The following PPP1R16B variants were observed in gnomAD, a reference collection of about 807,000 sequenced individuals.
The protein encoded by PPP1R16B is protein phosphatase 1 regulatory subunit 16B, also known as protein phosphatase 1 regulatory inhibitor subunit 16B.
In PPP1R16B, 14 loss-of-function variants were observed where a neutral mutation model predicts 61.7. The ratio of observed to expected loss-of-function variants is 0.23; its 90% CI spans 0.15 to 0.35. The LOEUF (loss-of-function observed/expected upper bound fraction) is 0.35, where lower values mean the gene tolerates loss of function less well. Ranked by LOEUF, PPP1R16B falls within the 10% of genes least tolerant of loss-of-function variation. The pLI, the probability that PPP1R16B is intolerant of heterozygous loss-of-function variation, is 1.00. For missense variants in PPP1R16B, 547 were observed against 752.5 expected, an observed-to-expected ratio of 0.73 and a Z score of 3.19; for synonymous variants, 266 against 305.3, an observed-to-expected ratio of 0.87 and a Z score of 1.34.
At chr20:38,848,859 T>C (rs1176348834) in intron 2 of PPP1R16B, among the ~76,000 whole-genome samples, 1 of 152,086 alleles carries the variant, frequency 6.6e-6, no homozygotes, top group African/African-American at 2.4e-5. Flanking sequence ...AACTAATGGG[T>C]ACTAGGCTTA....
In PPP1R16B at chr20:38,920,884, C is replaced by G. The variant is rs1171651634; in HGVS notation, c.*2218C>G. The G allele has an allele frequency of 6.6e-6, 1 of 152,228 alleles. No individual in the cohort carries two copies. Among genetic ancestry groups the G allele is most frequent in the Non-Finnish European group, 1.5e-5 (1 of 68,074 alleles). 9.4% of individuals were successfully genotyped at this position (152,228 alleles called of 1,614,324 possible). ...CCATTGGCTGTAAAACAGTATGAGC[C>G]CAGACTGACGCTGAAATCCCTCATG... On this transcript the variant is annotated 3_prime_UTR_variant, in exon 11 of 11. Coordinates refer to ENST00000299824, the MANE Select transcript of PPP1R16B (RefSeq NM_015568.4).
chr20:38,885,831 A>G (rs889073895), intron 2 of PPP1R16B, among the ~76,000 whole-genome samples: 8 of 152,204 alleles, frequency 5.3e-5, no homozygotes, highest in Non-Finnish European at 8.8e-5. Context: ...GCTGGAGTGC[A>G]ATGGTGCAGT....
At chr20:38,838,894 C>G (rs1158108121) in intron 2 of PPP1R16B, among the ~76,000 whole-genome samples, 1 of 152,208 alleles carries the variant, frequency 6.6e-6, no homozygotes, top group Non-Finnish European at 1.5e-5. Context: ...CTTTGAGCAG[C>G]TTGTTTCACC....
chr20:38,908,287 A>G, intron 10 of PPP1R16B, 94 bp downstream of exon 10: 1 of 1,471,242 alleles, frequency 6.8e-7, no homozygotes, highest in Non-Finnish European at 9.2e-7. Context: ...GAGAGCCTTC[A>G]GAGGGAAGTA....
Position 38,895,908 on chromosome 20 carries a change from TCTTTCTTC to T in PPP1R16B, c.467+200_467+207del, listed in dbSNP as rs2085336031. Among the ~76,000 whole-genome samples, 7 of 94,612 alleles carry T rather than the reference TCTTTCTTC, an allele frequency of 7.4e-5. 2 individuals are homozygous for T. The highest frequency in any genetic ancestry group is 2.2e-4 in the African/African-American group (5 of 22,606). 62.1% of individuals were successfully genotyped at this position (94,612 alleles called of 152,430 possible). ...TTTCTTCCCTCCCTCCCTCCTTCCTTCTTTCTTCCCTCCCTCCCTCCTTCCTTCTTTCT... is the reference window on the plus strand; with the variant it reads ...TTTCTTCCCTCCCTCCCTCCTTCCTTCCTCCCTCCCTCCTTCCTTCTTTCT... On this transcript the variant is annotated intron_variant, in intron 4 of 10. Transcript: ENST00000299824.
chr20:38,813,226 A>G (rs2084712554), intron 1 of PPP1R16B, among the ~76,000 whole-genome samples: 1 of 152,232 alleles, frequency 6.6e-6, no homozygotes, highest in African/African-American at 2.4e-5. Flanking sequence ...GGTCTCAAGG[A>G]GCAACTCAGA....
intron 2 of PPP1R16B, among the ~76,000 whole-genome samples, chr20:38,869,891 C>T (rs2085115150): frequency 6.6e-6 from 1 of 151,926 alleles, no homozygotes; most frequent in South Asian, 2.1e-4. Context: ...ACCTGTCTGC[C>T]TGCCTTCACT....
chr20:38,846,509 T>C (rs986796928), intron 2 of PPP1R16B, among the ~76,000 whole-genome samples: 3 of 152,200 alleles, frequency 2.0e-5, no homozygotes, highest in African/African-American at 7.2e-5. Flanking sequence ...GACTGTCAGC[T>C]CAGTCAAATG....
At chr20:38,896,631 A>T (rs896086636) in intron 4 of PPP1R16B, among the ~76,000 whole-genome samples, 1 of 151,998 alleles carries the variant, frequency 6.6e-6, no homozygotes, top group Admixed American at 6.6e-5. Flanking sequence ...ATAAAATACC[A>T]TCTTACCCAT....
At chr20:38,898,753 T>C (rs760682903) in intron 4 of PPP1R16B, among the ~76,000 whole-genome samples, 9 of 151,980 alleles carry the variant, frequency 5.9e-5, no homozygotes, top group Non-Finnish European at 1.0e-4. Context: ...GAGGTTGCAG[T>C]GAGCTGAGTT....
chr20:38,866,958 T>C (rs1457600687), intron 2 of PPP1R16B, among the ~76,000 whole-genome samples: 1 of 152,188 alleles, frequency 6.6e-6, no homozygotes, highest in South Asian at 2.1e-4. Flanking sequence ...GCCGCTAATC[T>C]ACTTTCTGTC....
In PPP1R16B at chr20:38,806,396, G is replaced by C. The variant is rs1324386146; in HGVS notation, c.-102+604G>C. Reference sequence around the variant, plus strand: ...CTGACAGCACCAGCCAGCCCGGGGAGACCCCGCGAGTGGTAGTTCCCCGGG... The same window carrying C: ...CTGACAGCACCAGCCAGCCCGGGGACACCCCGCGAGTGGTAGTTCCCCGGG... On this transcript the variant is annotated intron_variant, in intron 1 of 10. Coordinates refer to ENST00000299824, the MANE Select transcript of PPP1R16B (RefSeq NM_015568.4). This position sits in a 1 kb window ranked among gnomAD's most constrained non-coding sequence, Gnocchi z 4.5. 1.3e-5 allele frequency among the ~76,000 whole-genome samples: 2 copies of C among 151,994 alleles called. No homozygotes were observed. Among genetic ancestry groups the C allele is most frequent in the African/African-American group, 4.8e-5 (2 of 41,402 alleles).
At chr20:38,882,751 A>T (rs1234280566) in intron 2 of PPP1R16B, among the ~76,000 whole-genome samples, 1 of 152,210 alleles carries the variant, frequency 6.6e-6, no homozygotes, top group Non-Finnish European at 1.5e-5. Context: ...GGGAAGCTCA[A>T]TGGAGATTAG....
intron 4 of PPP1R16B, among the ~76,000 whole-genome samples, chr20:38,896,432 C>T (rs2085350081): frequency 6.6e-6 from 1 of 151,622 alleles, no homozygotes; most frequent in Admixed American, 6.6e-5. Flanking sequence ...ACCTCTCACC[C>T]TCTCCTCCCC....
chr20:38,913,715 G>A (rs1369576315), intron 10 of PPP1R16B, among the ~76,000 whole-genome samples: 1 of 152,190 alleles, frequency 6.6e-6, no homozygotes, highest in Non-Finnish European at 1.5e-5. Context: ...AGGACTGAGG[G>A]TTGGGGGTGG....
chr20:38,918,825 A>G lies in PPP1R16B; in HGVS notation c.*159A>G. The stretch of plus-strand genomic sequence containing the variant: ...CAGCCCTCAGCTGGCTGCCCATAGC[A>G]TCCCATGTCCCACGTCCCGTGGTTC... On this transcript the variant is annotated 3_prime_UTR_variant, in exon 11 of 11. Transcript: ENST00000299824. The surrounding 1 kb of genome is among the most constrained non-coding windows in gnomAD (Gnocchi z 5.3). 1 of 876,002 alleles carries G rather than the reference A, an allele frequency of 1.1e-6. No homozygotes were observed. The highest frequency in any genetic ancestry group is 3.7e-5 in the Admixed American group (1 of 27,300). The allele number at this position is 876,002 out of a possible 1,614,324, so 54.3% of individuals were successfully genotyped here. A position where few individuals can be genotyped will look rare whatever the true frequency, so the allele number is the denominator to read the frequency against.
intron 1 of PPP1R16B, among the ~76,000 whole-genome samples, chr20:38,821,768 C>A (rs924511252): frequency 6.6e-6 from 1 of 152,012 alleles, no homozygotes; most frequent in African/African-American, 2.4e-5. Context: ...GCATAATTTC[C>A]TTTACATTCT....
At chr20:38,815,198 G>A (rs184670988) in intron 1 of PPP1R16B, among the ~76,000 whole-genome samples, 2 of 152,196 alleles carry the variant, frequency 1.3e-5, no homozygotes, top group East Asian at 3.9e-4. Flanking sequence ...AATGTTTTAT[G>A]TATTTTTCCA....
chr20:38,901,462 T>G (rs2085393586), intron 5 of PPP1R16B, among the ~76,000 whole-genome samples: 1 of 152,200 alleles, frequency 6.6e-6, no homozygotes, highest in Non-Finnish European at 1.5e-5. Context: ...CAGGCTAGAG[T>G]GCAATGGCAC....
Sources: allele counts gnomAD v4.1 joint callset (sites outside exome capture counted in the v4.1 genomes callset), GRCh38; gene constraint gnomAD v4.1.1; non-coding constraint Gnocchi (gnomAD v3.1); transcripts MANE v1.5; gene names NCBI Gene and HGNC (gene_info 2026-07-23, HGNC 2026-07-21).